The following SMIM14 variants were observed in gnomAD, a reference collection of about 807,000 sequenced individuals.
SMIM14 encodes small integral membrane protein 14, also known as chromosome 4 open reading frame 34.
SMIM14 carries 5 observed loss-of-function variants against 12.6 expected under a neutral mutation model. The ratio of observed to expected loss-of-function variants is 0.40; its 90% confidence interval spans 0.21 to 0.83. SMIM14 has a LOEUF of 0.83. Ranked by LOEUF, SMIM14 falls within the 40% of genes least tolerant of loss-of-function variation. SMIM14 has a pLI of 0.37. For synonymous variants in SMIM14, 30 were observed against 40.1 expected (o/e 0.75, Z 0.95); for missense variants, 86 against 119.1 (o/e 0.72, Z 1.29).
intron 2 of SMIM14, among the ~76,000 whole-genome samples, chr4:39,576,695 T>G (rs1160877225): frequency 3.5e-5 from 1 of 28,490 alleles, no homozygotes; most frequent in African/African-American, 1.9e-4. Flanking sequence ...TTTTTTTTTT[T>G]TTTTTTTTTT....
rs9994284 is a variant in SMIM14 at position 39,610,175 on chromosome 4, C to T, written c.-35-4995G>A. 3.2e-3 allele frequency among the ~76,000 whole-genome samples: 489 copies of T among 152,070 alleles called. 2 individuals are homozygous for T. The highest frequency in any genetic ancestry group is 0.011 in the African/African-American group (451 of 41,494). On this transcript the variant is annotated intron_variant, in intron 1 of 4. Transcript: ENST00000295958. ...GCTAGTTTTAAATTTTCTGTAAAGA[C>T]GGGGTCTCCCTATGTTGCCCAGGCT...
chr4:39,568,278 C>CA lies in SMIM14; in HGVS notation c.124+4136dup, dbSNP rs958053391. 4.7e-3 allele frequency among the ~76,000 whole-genome samples: 542 copies of CA among 115,936 alleles called. 1 individual carries two copies. The highest frequency in any genetic ancestry group is 8.4e-3 in the Middle Eastern group (2 of 238). 76.1% of individuals were successfully genotyped at this position (115,936 alleles called of 152,430 possible). The stretch of plus-strand genomic sequence containing the variant: ...TGGGCAACAGAGCAAGACTCCTTCT[C>CA]AAAAAAAAAAAAAAGAACATATACA... On this transcript the variant is annotated intron_variant, in intron 3 of 4. Coordinates refer to ENST00000295958, the MANE Select transcript of SMIM14 (RefSeq NM_174921.3).
At chr4:39,628,134 C>T (rs1578370205) in intron 1 of SMIM14, among the ~76,000 whole-genome samples, 2 of 151,702 alleles carry the variant, frequency 1.3e-5, no homozygotes, top group African/African-American at 2.4e-5. Context: ...TGGTGAAACG[C>T]CGCCTCGACT....
At chr4:39,626,371 C>T (rs1715699865) in intron 1 of SMIM14, among the ~76,000 whole-genome samples, 1 of 152,136 alleles carries the variant, frequency 6.6e-6, no homozygotes, top group Non-Finnish European at 1.5e-5. Context: ...TTTGGAGATA[C>T]AGCAGTTCTC....
intron 2 of SMIM14, among the ~76,000 whole-genome samples, chr4:39,585,772 G>A (rs1364804342): frequency 2.0e-5 from 3 of 151,992 alleles, no homozygotes; most frequent in African/African-American, 7.3e-5. Flanking sequence ...CAACCCCAAG[G>A]CTTTGATGAC....
intron 2 of SMIM14, among the ~76,000 whole-genome samples, chr4:39,592,267 CTTTTTT>C (rs34640338): frequency 3.0e-5 from 4 of 131,626 alleles, no homozygotes; most frequent in African/African-American, 1.1e-4. Flanking sequence ...TCATTTGCCT[CTTTTTT>C]TTTTTTTTTT....
At chr4:39,592,267 C>CT (rs34640338) in intron 2 of SMIM14, among the ~76,000 whole-genome samples, 31,912 of 131,604 alleles carry the variant, frequency 0.24, 4,085 homozygotes, top group East Asian at 0.39. Context: ...TCATTTGCCT[C>CT]TTTTTTTTTT....
At chr4:39,630,588 G>GCCAC (rs1715862535) in intron 1 of SMIM14, among the ~76,000 whole-genome samples, 1 of 152,088 alleles carries the variant, frequency 6.6e-6, no homozygotes, top group African/African-American at 2.4e-5. Context: ...TGGGCCAGGC[G>GCCAC]CGGTGGCTCA....
chr4:39,620,569 G>C (rs1433204774), intron 1 of SMIM14, among the ~76,000 whole-genome samples: 1 of 152,210 alleles, frequency 6.6e-6, no homozygotes, highest in Non-Finnish European at 1.5e-5. Flanking sequence ...AGCAAGGCCA[G>C]GCTGATCCTC....
intron 1 of SMIM14, among the ~76,000 whole-genome samples, chr4:39,619,611 T>C (rs1715375608): frequency 2.3e-5 from 2 of 87,658 alleles, no homozygotes; most frequent in Non-Finnish European, 1.9e-5. Context: ...ATTCTATATA[T>C]CAATAAATAT....
intron 2 of SMIM14, among the ~76,000 whole-genome samples, chr4:39,580,713 G>T (rs1160295486): frequency 6.6e-6 from 1 of 151,816 alleles, no homozygotes; most frequent in East Asian, 1.9e-4. Context: ...TTTCAGTAGA[G>T]ACGGGGTTTC....
intron 3 of SMIM14, among the ~76,000 whole-genome samples, chr4:39,567,067 T>C (rs1451264656): frequency 7.8e-6 from 1 of 128,560 alleles, no homozygotes; most frequent in Admixed American, 9.8e-5. Flanking sequence ...GTCCAGGAGG[T>C]GGAGGTTGTA....
At chr4:39,613,641 T>C (rs1237617533) in intron 1 of SMIM14, among the ~76,000 whole-genome samples, 1 of 152,232 alleles carries the variant, frequency 6.6e-6, no homozygotes, top group African/African-American at 2.4e-5. Flanking sequence ...AGAACAGTTT[T>C]ACTGAATCAG....
chr4:39,572,561 C>T (rs180774903), intron 2 of SMIM14, 98 bp from the exon 3 acceptor site: 75 of 948,982 alleles, frequency 7.9e-5, no homozygotes, highest in East Asian at 4.8e-4. Flanking sequence ...CGGTGGCTCA[C>T]GCCTGTAATC....
At chr4:39,563,187 A>G (rs1712403517) in intron 3 of SMIM14, among the ~76,000 whole-genome samples, 1 of 151,920 alleles carries the variant, frequency 6.6e-6, no homozygotes, top group African/African-American at 2.4e-5. Context: ...CAGCCTCCCA[A>G]GTAGCTGGGA....
intron 3 of SMIM14, among the ~76,000 whole-genome samples, chr4:39,556,824 A>T (rs1712040241): frequency 6.6e-6 from 1 of 152,134 alleles, no homozygotes; most frequent in Non-Finnish European, 1.5e-5. Flanking sequence ...GTCTTGCTCT[A>T]TCAAACAGGC....
At chr4:39,584,481 CAAAAAA>C (rs554273493) in intron 2 of SMIM14, among the ~76,000 whole-genome samples, 1,072 of 27,672 alleles carry the variant, frequency 0.039, 31 homozygotes, top group African/African-American at 0.072. Flanking sequence ...GACACTGTCT[CAAAAAA>C]AAAAAAAAAA....
chr4:39,592,560 A>G (rs1277620607), intron 2 of SMIM14: 2 of 152,204 alleles, frequency 1.3e-5, no homozygotes, highest in African/African-American at 2.4e-5. Flanking sequence ...CTACCAATTT[A>G]TAAATCAAGG....
chr4:39,582,117 C>T (rs1312485419), intron 2 of SMIM14, among the ~76,000 whole-genome samples: 1 of 151,384 alleles, frequency 6.6e-6, no homozygotes, highest in Non-Finnish European at 1.5e-5. Flanking sequence ...GTGATCTGCC[C>T]GCCTCGGCCT....
Sources: allele counts gnomAD v4.1 joint callset (sites outside exome capture counted in the v4.1 genomes callset), GRCh38; gene constraint gnomAD v4.1.1; transcripts MANE v1.5; gene names NCBI Gene and HGNC (gene_info 2026-07-23, HGNC 2026-07-21).